Variants in DIS3L2 observed in about 807,000 individuals in gnomAD.
DIS3L2 encodes DIS3 like 3'-5' exoribonuclease 2.
DIS3L2 carries 34 observed loss-of-function variants against 97.5 expected under a neutral mutation model. The ratio of observed to expected loss-of-function variants is 0.35; its 90% CI spans 0.27 to 0.46. The LOEUF is 0.46. DIS3L2 is among the 20% of genes least tolerant of loss of function. The pLI is 1.00. For missense variants in DIS3L2, 1,038 were observed against 1,146.0 expected, an observed-to-expected ratio of 0.91 and a Z score of 1.36; for synonymous variants, 435 against 445.2, an observed-to-expected ratio of 0.98 and a Z score of 0.29.
At chr2:232,334,099 G>C in intron 17 of DIS3L2, 112 bp downstream of exon 17, 2 of 1,462,310 alleles carry the variant, frequency 1.4e-6, no homozygotes, top group Non-Finnish European at 1.8e-6. Context: ...GGAGGTCCAA[G>C]GGTCGGGCGA....
At chr2:232,030,119 G>A (rs775768763) in intron 5 of DIS3L2, 39 bp downstream of exon 5, 1 of 1,572,634 alleles carries the variant, frequency 6.4e-7, no homozygotes, top group South Asian at 1.1e-5. Flanking sequence ...AGATTTCTTA[G>A]GGTCTTTCAC....
At position 232,156,495 on chromosome 2, in the gene DIS3L2, T is replaced by G. The variant is rs186047748; in HGVS notation, c.951-6964T>G. Reference sequence around the variant, plus strand: ...TCCTTTTTTTCCTTTTAAATGTGGGTTTTTTTTTTAATAGAATGTTTGGAT... The same window carrying G: ...TCCTTTTTTTCCTTTTAAATGTGGGGTTTTTTTTTAATAGAATGTTTGGAT... On this transcript the variant is annotated intron_variant, in intron 8 of 20. Transcript: ENST00000325385. Among the ~76,000 whole-genome samples, 443 of 148,422 alleles carry G rather than the reference T, an allele frequency of 3.0e-3. 4 individuals are homozygous for G. Among genetic ancestry groups the G allele is most frequent in the African/African-American group, 9.1e-3 (372 of 40,734 alleles).
chr2:232,077,667 T>G (rs1157257406), intron 5 of DIS3L2, among the ~76,000 whole-genome samples: 2 of 152,226 alleles, frequency 1.3e-5, no homozygotes, highest in Admixed American at 6.5e-5. Flanking sequence ...CTTCAGAGAT[T>G]AGACTAAATC....
chr2:232,288,592 TC>T (rs962002747), intron 13 of DIS3L2, among the ~76,000 whole-genome samples: 1 of 152,102 alleles, frequency 6.6e-6, no homozygotes, highest in African/African-American at 2.4e-5. Context: ...GTTATATAAC[TC>T]CCCGACTCCT....
At chr2:231,993,170 A>G (rs919843966) in intron 1 of DIS3L2, among the ~76,000 whole-genome samples, 20 of 152,072 alleles carry the variant, frequency 1.3e-4, no homozygotes, top group African/African-American at 4.1e-4. Context: ...TCCTCATTCA[A>G]TAACCCTGTC....
At chr2:232,291,501 T>A (rs912739714) in intron 13 of DIS3L2, among the ~76,000 whole-genome samples, 2 of 152,124 alleles carry the variant, frequency 1.3e-5, no homozygotes, top group Admixed American at 1.3e-4. Context: ...AGGGGAAGAG[T>A]CAACCGTGGA....
intron 5 of DIS3L2, among the ~76,000 whole-genome samples, chr2:232,072,978 G>T (rs150574203): frequency 1.3e-5 from 2 of 152,244 alleles, no homozygotes; most frequent in African/African-American, 4.8e-5. Context: ...GGTACGTTTG[G>T]ATTAGCTACC....
chr2:232,206,027 G>A (rs1022504398), intron 9 of DIS3L2, among the ~76,000 whole-genome samples: 2 of 152,210 alleles, frequency 1.3e-5, no homozygotes, highest in African/African-American at 4.8e-5. Context: ...GTCCCTTGGG[G>A]TAGGCTTGGT....
At chr2:232,077,957 CTTTCTTT>C (rs1559602084) in intron 5 of DIS3L2, among the ~76,000 whole-genome samples, 409 of 32,060 alleles carry the variant, frequency 0.013, 1 homozygote, top group Non-Finnish European at 0.021. Context: ...CTTTCTTTCT[CTTTCTTT>C]CTTTCTTTCT....
chr2:232,192,050 C>T (rs1691631147), intron 9 of DIS3L2, among the ~76,000 whole-genome samples: 1 of 152,068 alleles, frequency 6.6e-6, no homozygotes, highest in Non-Finnish European at 1.5e-5. Flanking sequence ...AAAATCAGTT[C>T]ATAGCTAGTA....
Position 232,125,586 on chromosome 2 carries a change from A to G in DIS3L2, c.602-5033A>G, listed in dbSNP as rs546128087. On this transcript the variant is annotated intron_variant, in intron 6 of 20. Coordinates refer to ENST00000325385, the MANE Select transcript of DIS3L2 (RefSeq NM_152383.5). Reference sequence around the variant, plus strand: ...CATAGTATAAGTTGTAAGTTAAAAGAGGTAATATAGGCGAGCATGCTGTGA... The same window carrying G: ...CATAGTATAAGTTGTAAGTTAAAAGGGGTAATATAGGCGAGCATGCTGTGA... Among the ~76,000 whole-genome samples, 12 of 152,296 alleles carry G rather than the reference A, an allele frequency of 7.9e-5. No individual in the cohort carries two copies. In the South Asian group the frequency reaches 2.1e-3, roughly 26 times the overall value.
intron 6 of DIS3L2, among the ~76,000 whole-genome samples, chr2:232,109,757 A>G (rs1697468996): frequency 6.6e-6 from 1 of 152,210 alleles, no homozygotes; most frequent in African/African-American, 2.4e-5. Context: ...CTAAACTATA[A>G]AAGACCTAGA....
intron 5 of DIS3L2, among the ~76,000 whole-genome samples, chr2:232,084,717 GA>G (rs1036139605): frequency 6.6e-6 from 1 of 150,600 alleles, no homozygotes; most frequent in African/African-American, 2.4e-5. Context: ...AAGCAAAAAA[GA>G]AAATTTTATT....
chr2:231,966,247 C>G (rs918279692), intron 1 of DIS3L2, among the ~76,000 whole-genome samples: 1 of 147,832 alleles, frequency 6.8e-6, no homozygotes, highest in South Asian at 2.1e-4. Flanking sequence ...CAGCTTACTG[C>G]AACCTCCGCC....
At chr2:232,013,695 A>T (rs1694275741) in intron 1 of DIS3L2, among the ~76,000 whole-genome samples, 1 of 152,188 alleles carries the variant, frequency 6.6e-6, no homozygotes, top group African/African-American at 2.4e-5. Flanking sequence ...TATGTGTGAA[A>T]TTAACGAGTG....
chr2:232,046,647 C>G (rs1384759426), intron 5 of DIS3L2, among the ~76,000 whole-genome samples: 1 of 152,100 alleles, frequency 6.6e-6, no homozygotes, highest in Non-Finnish European at 1.5e-5. Flanking sequence ...CCCTTCACCC[C>G]CTTCTCCAGT....
chr2:232,059,359 AC>A (rs1695638986), intron 5 of DIS3L2, among the ~76,000 whole-genome samples: 1 of 152,230 alleles, frequency 6.6e-6, no homozygotes, highest in African/African-American at 2.4e-5. Flanking sequence ...AAGATACTCT[AC>A]CACTGTACTA....
chr2:232,142,584 C>G lies in DIS3L2; in HGVS notation c.950+5865C>G, dbSNP rs373863702. ...TCAACACCAATTCACTCTTAAATTT[C>G]AAGACCTTTTCTTAAATAACTCAGT... On this transcript the variant is annotated intron_variant, in intron 8 of 20. Coordinates refer to ENST00000325385, the MANE Select transcript of DIS3L2 (RefSeq NM_152383.5). Among the ~76,000 whole-genome samples the G allele has an allele frequency of 4.6e-5, 7 of 152,254 alleles. No individual in the cohort carries two copies. The South Asian group carries it at 1.2e-3, about 27-fold the overall frequency.
At position 232,101,882 on chromosome 2, in the gene DIS3L2, C is replaced by A. The variant is rs529195330; in HGVS notation, c.601+14161C>A. 3.9e-5 allele frequency among the ~76,000 whole-genome samples: 6 copies of A among 152,318 alleles called. No homozygotes were observed. In the South Asian group the frequency reaches 1.2e-3, roughly 32 times the overall value. On this transcript the variant is annotated intron_variant, in intron 6 of 20. Coordinates refer to ENST00000325385, the MANE Select transcript of DIS3L2 (RefSeq NM_152383.5). ...TGAGTTTAATAATTCAATCAAGAAT[C>A]ATTGCTGGATACTAAAACTATTGAG...
Sources: gnomAD v4.1 joint callset for allele counts (sites outside exome capture counted in the v4.1 genomes callset) on GRCh38, gnomAD v4.1.1 for gene constraint, MANE v1.5 for transcripts, NCBI Gene and HGNC (gene_info 2026-07-23, HGNC 2026-07-21) for gene names.